The following PTPRA variants were observed in gnomAD, a reference collection of about 807,000 sequenced individuals.
PTPRA encodes the protein protein tyrosine phosphatase receptor type A.
A neutral mutation model predicts 104.8 loss-of-function variants in PTPRA; 25 were observed. The ratio of observed to expected loss-of-function variants is 0.24; its 90% CI spans 0.17 to 0.33. PTPRA has a LOEUF of 0.33. Among genes scored for constraint, PTPRA ranks in the 10% least tolerant of loss-of-function variants. The probability of loss-of-function intolerance (pLI) is 1.00; values close to 1 mark genes in which losing one functional copy is unlikely to be tolerated. For synonymous variants in PTPRA, 323 were observed against 368.9 expected (o/e 0.88, Z 1.43); for missense variants, 765 against 1,015.3 (o/e 0.75, Z 3.35).
intron 5 of PTPRA, among the ~76,000 whole-genome samples, chr20:2,972,068 A>G (rs1262099383): frequency 1.3e-5 from 2 of 152,098 alleles, no homozygotes; most frequent in African/African-American, 2.4e-5. Context: ...TCCTGACCCC[A>G]TGATCCTGCC....
intron 22 of PTPRA, among the ~76,000 whole-genome samples, chr20:3,036,383 A>G (rs1317249067): frequency 6.6e-6 from 1 of 152,148 alleles, no homozygotes; most frequent in East Asian, 1.9e-4. Flanking sequence ...GCACTCCTTT[A>G]CTTAGAATCC....
At chr20:2,933,993 G>A (rs2060600381) in intron 2 of PTPRA, among the ~76,000 whole-genome samples, 1 of 152,078 alleles carries the variant, frequency 6.6e-6, no homozygotes, top group South Asian at 2.1e-4. Context: ...ACATTCCATT[G>A]TATTATTGTT....
chr20:3,006,398 C>G (rs1401629879), intron 10 of PTPRA, among the ~76,000 whole-genome samples: 2 of 152,114 alleles, frequency 1.3e-5, no homozygotes, highest in Non-Finnish European at 2.9e-5. Flanking sequence ...AGCCTGGTCT[C>G]AAACTCTTGG....
At chr20:2,954,666 T>C (rs960540475) in intron 3 of PTPRA, among the ~76,000 whole-genome samples, 13 of 152,222 alleles carry the variant, frequency 8.5e-5, no homozygotes, top group African/African-American at 2.9e-4. Flanking sequence ...CATTCTGTTA[T>C]AGTATCCTTG....
chr20:2,909,103 A>C (rs540647220), intron 1 of PTPRA, among the ~76,000 whole-genome samples: 100 of 152,312 alleles, frequency 6.6e-4, no homozygotes, highest in African/African-American at 2.2e-3. Flanking sequence ...GATCAGAATA[A>C]TAACATGTAA....
chr20:2,951,193 G>A (rs1317328940), intron 3 of PTPRA, among the ~76,000 whole-genome samples: 1 of 152,058 alleles, frequency 6.6e-6, no homozygotes, highest in African/African-American at 2.4e-5. Flanking sequence ...TCCGACTCCG[G>A]GGTTCACACC....
rs1416421597 is a variant in PTPRA at position 2,978,023 on chromosome 20, A to G, written c.442+2782A>G. On this transcript the variant is annotated intron_variant, in intron 6 of 23. Coordinates refer to ENST00000399903, the MANE Select transcript of PTPRA (RefSeq NM_001385305.1). The stretch of plus-strand genomic sequence containing the variant: ...AAAATGAAGACACACCAGACAGGGC[A>G]CAAGCAAAGAGACATGAAAGAGTAA... Among the ~76,000 whole-genome samples, 3 of 152,160 alleles carry G rather than the reference A, an allele frequency of 2.0e-5. No homozygotes were observed. The East Asian group carries it at 5.8e-4, about 29-fold the overall frequency.
chr20:2,967,495 A>AC (rs1422180559), intron 5 of PTPRA, among the ~76,000 whole-genome samples: 1 of 152,236 alleles, frequency 6.6e-6, no homozygotes, highest in Non-Finnish European at 1.5e-5. Context: ...CTATAAGTAT[A>AC]AATGGATTGT....
At position 2,976,185 on chromosome 20, in the gene PTPRA, C is replaced by CCTAAACTTGGGAA. The variant is rs1056797401; in HGVS notation, c.442+951_442+963dup. On this transcript the variant is annotated intron_variant, in intron 6 of 23. Coordinates refer to ENST00000399903, the MANE Select transcript of PTPRA (RefSeq NM_001385305.1). ...CCCTCACTTTTCCACCTCTCACTTT[C>CCTAAACTTGGGAA]CTAAACTTGGGAACTAAACATTGGA... Among the ~76,000 whole-genome samples the CCTAAACTTGGGAA allele has an allele frequency of 1.3e-5, 2 of 152,208 alleles. 1 individual carries two copies. The highest frequency in any genetic ancestry group is 4.8e-5 in the African/African-American group (2 of 41,460).
intron 1 of PTPRA, among the ~76,000 whole-genome samples, chr20:2,878,063 A>T (rs895412909): frequency 6.6e-6 from 1 of 152,170 alleles, no homozygotes; most frequent in Non-Finnish European, 1.5e-5. Context: ...AGGCATGAGA[A>T]TCACTTGAAC....
intron 5 of PTPRA, among the ~76,000 whole-genome samples, chr20:2,973,568 C>T (rs2062284783): frequency 6.6e-6 from 1 of 152,184 alleles, no homozygotes; most frequent in Admixed American, 6.5e-5. Context: ...TCTTGTGGCC[C>T]TGCCATCCTA....
Position 3,038,410 on chromosome 20 carries a change from T to C in PTPRA, c.*277T>C, listed in dbSNP as rs999370420. The C allele has an allele frequency of 5.7e-6, 2 of 349,730 alleles. No homozygotes were observed. Among genetic ancestry groups the C allele is most frequent in the Admixed American group, 4.6e-5 (1 of 21,854 alleles). 21.7% of individuals were successfully genotyped at this position (349,730 alleles called of 1,614,324 possible). ...TTGGGCTGGATTGTGCTTTGGTTAA[T>C]ACATCTTTCCCTAAAGAAGATAAAC... is the stretch of plus-strand genomic sequence containing the variant. On this transcript the variant is annotated 3_prime_UTR_variant, in exon 24 of 24. Transcript: ENST00000399903.
At chr20:2,980,713 T>A (rs776725418) in intron 6 of PTPRA, among the ~76,000 whole-genome samples, 87 of 151,926 alleles carry the variant, frequency 5.7e-4, no homozygotes, top group South Asian at 1.0e-3. Flanking sequence ...AGAAAAAAAA[T>A]TTTTTTAAAT....
At chr20:2,977,120 A>G (rs1202378570) in intron 6 of PTPRA, among the ~76,000 whole-genome samples, 2 of 152,188 alleles carry the variant, frequency 1.3e-5, no homozygotes, top group East Asian at 3.9e-4. Context: ...TACTAAAAAT[A>G]CAAAAATTAG....
rs1418830446 is a variant in PTPRA, at chr20:2,873,999, G to T, written c.-129+239G>T. Among the ~76,000 whole-genome samples the T allele has an allele frequency of 1.3e-5, 2 of 152,342 alleles. No homozygotes were observed. The highest frequency in any genetic ancestry group is 6.5e-5 in the Admixed American group (1 of 15,306). The stretch of plus-strand genomic sequence containing the variant: ...GTGCCGACCCCTCGCGACTGCCCAG[G>T]AACTTTGCATGCGTCCTTCTGGGAC... On this transcript the variant is annotated intron_variant, in intron 1 of 23. Transcript: ENST00000399903. This position sits in a 1 kb window ranked among gnomAD's most constrained non-coding sequence, Gnocchi z 4.4.
chr20:2,889,932 G>C (rs1055461617), intron 1 of PTPRA, among the ~76,000 whole-genome samples: 1 of 152,054 alleles, frequency 6.6e-6, no homozygotes, highest in Non-Finnish European at 1.5e-5. Context: ...TGCCCATGCT[G>C]GTGTGCAGTG....
rs2061906079 is a variant in PTPRA at position 2,965,346 on chromosome 20, T to G, written c.415+144T>G. On this transcript the variant is annotated intron_variant, in intron 5 of 23. Coordinates refer to ENST00000399903, the MANE Select transcript of PTPRA (RefSeq NM_001385305.1). ...TAATGAAACCTGTATGTGGAATTTT[T>G]GGGTTAGCATGAGTGAAGAGGAAAG... is the stretch of plus-strand genomic sequence containing the variant. 7 of 802,120 alleles carry G rather than the reference T, an allele frequency of 8.7e-6. No homozygotes were observed. In the African/African-American group the frequency reaches 1.2e-4, roughly 14 times the overall value. 49.7% of individuals were successfully genotyped at this position (802,120 alleles called of 1,614,324 possible). A position where few individuals can be genotyped will look rare whatever the true frequency, so the allele number is the denominator to read the frequency against.
At chr20:3,007,840 A>G (rs572602162) in intron 11 of PTPRA, among the ~76,000 whole-genome samples, 49 of 141,312 alleles carry the variant, frequency 3.5e-4, no homozygotes, top group Admixed American at 5.0e-4. Flanking sequence ...GTGTGTGTGT[A>G]TATATATATA....
At chr20:2,998,921 A>G (rs1600231749) in intron 9 of PTPRA, among the ~76,000 whole-genome samples, 1 of 97,854 alleles carries the variant, frequency 1.0e-5, no homozygotes, top group African/African-American at 4.5e-5. Flanking sequence ...AATATGACAT[A>G]TTTATAATTT....
Sources: gnomAD v4.1 joint callset for allele counts (sites outside exome capture counted in the v4.1 genomes callset) on GRCh38, gnomAD v4.1.1 for gene constraint, Gnocchi (gnomAD v3.1) non-coding constraint, MANE v1.5 for transcripts, NCBI Gene and HGNC (gene_info 2026-07-23, HGNC 2026-07-21) for gene names.